CECR2: variants seen among roughly 807,000 people sequenced by gnomAD.
CECR2 encodes CECR2 histone acetyl-lysine reader, also known as chromatin remodeling regulator CECR2.
CECR2 carries 30 observed loss-of-function variants against 154.5 expected under a neutral mutation model. The ratio of observed to expected loss-of-function variants is 0.19; its 90% CI spans 0.15 to 0.26. The LOEUF (loss-of-function observed/expected upper bound fraction) is 0.26. Ranked by LOEUF, CECR2 falls within the 10% of genes least tolerant of loss-of-function variation. CECR2 has a pLI of 1.00. For synonymous variants in CECR2, 725 were observed against 683.7 expected, an observed-to-expected ratio of 1.06 and a Z score of -0.94; for missense variants, 1,743 against 1,829.3, an observed-to-expected ratio of 0.95 and a Z score of 0.86.
At chr22:17,401,340 GT>G (rs1450999321) in intron 1 of CECR2, among the ~76,000 whole-genome samples, 6 of 152,210 alleles carry the variant, frequency 3.9e-5, no homozygotes, top group African/African-American at 1.4e-4. Context: ...AAATATTTAT[GT>G]GTACAATTTG....
intron 1 of CECR2, among the ~76,000 whole-genome samples, chr22:17,435,558 C>T (rs1335447269): frequency 2.0e-5 from 3 of 152,070 alleles, no homozygotes; most frequent in Non-Finnish European, 4.4e-5. Flanking sequence ...AACTGTGTAA[C>T]CTGACAAGAA....
Position 17,435,928 on chromosome 22 carries a change from CTTTCT to C in CECR2, c.127-41647_127-41643del, listed in dbSNP as rs916395768. 4.1e-4 allele frequency among the ~76,000 whole-genome samples: 63 copies of C among 152,110 alleles called. No homozygotes were observed. The East Asian group carries it at 5.8e-3, about 14-fold the overall frequency. The stretch of plus-strand genomic sequence containing the variant: ...GGTAAATTTTTTGAAACTTTAGTTT[CTTTCT>C]TTTCTTTTCTTTACCTTCTTTCTTT... On this transcript the variant is annotated intron_variant, in intron 1 of 18. Transcript: ENST00000262608.
At chr22:17,433,084 G>A (rs2054451472) in intron 1 of CECR2, among the ~76,000 whole-genome samples, 1 of 152,164 alleles carries the variant, frequency 6.6e-6, no homozygotes, top group Non-Finnish European at 1.5e-5. Context: ...ACTGATTTTT[G>A]GGTGGAATCC....
intron 7 of CECR2, 95 bp downstream of exon 7, chr22:17,505,111 G>A (rs1310130562): frequency 8.1e-7 from 1 of 1,235,876 alleles, no homozygotes; most frequent in East Asian, 2.5e-5. Flanking sequence ...ACACCCCACT[G>A]TCCTGGAAAT....
chr22:17,502,308 G>A (rs1192895992), intron 5 of CECR2, among the ~76,000 whole-genome samples: 1 of 152,134 alleles, frequency 6.6e-6, no homozygotes, highest in Non-Finnish European at 1.5e-5. Flanking sequence ...CCTTAGGTAA[G>A]GATCAATTAT....
intron 1 of CECR2, among the ~76,000 whole-genome samples, chr22:17,446,933 G>A (rs1444724163): frequency 7.5e-6 from 1 of 133,286 alleles, no homozygotes; most frequent in Non-Finnish European, 1.5e-5. Flanking sequence ...GAACACTGGT[G>A]CATTTTTACA....
At chr22:17,372,455 C>CAGG (rs937633827) in intron 1 of CECR2, among the ~76,000 whole-genome samples, 2 of 152,114 alleles carry the variant, frequency 1.3e-5, no homozygotes, top group Non-Finnish European at 2.9e-5. Flanking sequence ...CACCTGAAGT[C>CAGG]AGGAGTTCGA....
chr22:17,367,575 C>T (rs971541003), upstream of CECR2, among the ~76,000 whole-genome samples: 1 of 152,002 alleles, frequency 6.6e-6, no homozygotes, highest in Non-Finnish European at 1.5e-5. Flanking sequence ...TTAGTAGAGA[C>T]GAGGTTTCAC....
Position 17,540,817 on chromosome 22 carries a change from A to G in CECR2, c.1884+17A>G, listed in dbSNP as rs1569152410. On this transcript the variant is annotated intron_variant, in intron 14 of 18. Transcript: ENST00000262608. ...AACCAGATGGTAAGGAATAGAGTGG[A>G]GACTGTTGCGGTTTCTCCTAGTTTG... 6.6e-7 allele frequency: 1 copy of G among 1,521,580 alleles called. No homozygotes were observed. Among genetic ancestry groups the G allele is most frequent in the Non-Finnish European group, 8.8e-7 (1 of 1,135,204 alleles). The allele number at this position is 1,521,580 out of a possible 1,614,324, so 94.3% of individuals were successfully genotyped here.
rs1325472870 is a variant in CECR2, at chr22:17,542,352, C to T, written c.2209C>T (p.Arg737Trp). 1.4e-5 allele frequency: 22 copies of T among 1,613,660 alleles called. No individual in the cohort carries two copies. Among genetic ancestry groups the T allele is most frequent in the Admixed American group, 5.0e-5 (3 of 59,996 alleles). Residue 737 changes from arginine (R) to tryptophan (W), a missense_variant, in exon 16 of 19, where the codon CGG becomes TGG. Arg to Trp is a moderately radical substitution (Grantham distance 101, BLOSUM62 -3). Around this residue, in one of 4 missense-constraint regions of CECR2, gnomAD observed 1,250 missense variants for 1,192.1 expected, o/e 1.05. Transcript: ENST00000262608. ...AQFQPGFIPP[R>W]HGGAPARPPD... The stretch of plus-strand genomic sequence containing the variant: ...GTTCCAGCCAGGATTCATTCCTCCC[C>T]GGCATGGGGGGGCTCCAGCCCGGCC...
At chr22:17,370,662 A>T (rs910709412) in intron 1 of CECR2, among the ~76,000 whole-genome samples, 7 of 152,148 alleles carry the variant, frequency 4.6e-5, no homozygotes, top group Non-Finnish European at 1.0e-4. Context: ...CATTCTGGCC[A>T]GGCCGGAGGT....
chr22:17,454,702 A>G (rs114787903), intron 1 of CECR2, among the ~76,000 whole-genome samples: 5 of 152,226 alleles, frequency 3.3e-5, no homozygotes, highest in East Asian at 3.9e-4. Context: ...ACATATTAGT[A>G]TCTTATGAAT....
At chr22:17,448,530 G>A (rs1408002375) in intron 1 of CECR2, among the ~76,000 whole-genome samples, 1 of 152,142 alleles carries the variant, frequency 6.6e-6, no homozygotes, top group African/African-American at 2.4e-5. Flanking sequence ...TAGTATTGCT[G>A]AGGATTAATG....
At position 17,481,842 on chromosome 22, in the gene CECR2, C is replaced by T. The variant is rs548352008; in HGVS notation, c.221+4160C>T. On this transcript the variant is annotated intron_variant, in intron 2 of 18. Transcript: ENST00000262608. ...AAAGACCTAGCACTTACAGGCCAGG[C>T]GTGGTGGCTCACGCCTGTAATCCTA... Among the ~76,000 whole-genome samples, 10 of 152,250 alleles carry T rather than the reference C, an allele frequency of 6.6e-5. No individual in the cohort carries two copies. In the East Asian group the frequency reaches 1.5e-3, roughly 23 times the overall value.
At chr22:17,500,066 C>T (rs1162114055) in intron 4 of CECR2, among the ~76,000 whole-genome samples, 3 of 151,994 alleles carry the variant, frequency 2.0e-5, no homozygotes, top group Non-Finnish European at 4.4e-5. Flanking sequence ...AAAAAATTAG[C>T]CAGGCGTGGT....
At chr22:17,552,461 G>A (rs891233434) in intron 18 of CECR2, among the ~76,000 whole-genome samples, 8 of 152,072 alleles carry the variant, frequency 5.3e-5, no homozygotes, top group Non-Finnish European at 1.2e-4. Flanking sequence ...TTTCTCATTG[G>A]AGAGAGACTA....
intron 7 of CECR2, among the ~76,000 whole-genome samples, chr22:17,508,865 G>C (rs1185580804): frequency 6.6e-6 from 1 of 152,204 alleles, no homozygotes; most frequent in Non-Finnish European, 1.5e-5. Context: ...TACCAAAAGA[G>C]TAATGTTTGA....
At chr22:17,478,842 C>T (rs963279893) in intron 2 of CECR2, among the ~76,000 whole-genome samples, 1 of 151,994 alleles carries the variant, frequency 6.6e-6, no homozygotes, top group Non-Finnish European at 1.5e-5. Flanking sequence ...GACTTTTCCC[C>T]CTAGAATACC....
Position 17,414,178 on chromosome 22 carries a change from T to C in CECR2, c.126+44269T>C, listed in dbSNP as rs12159621. Among the ~76,000 whole-genome samples, 849 of 151,678 alleles carry C rather than the reference T, an allele frequency of 5.6e-3. 5 individuals carry two copies. Among genetic ancestry groups the C allele is most frequent in the African/African-American group, 0.02 (811 of 41,348 alleles). ...TAGTAGAGATGGGATTTCACTGTGT[T>C]AGCCAGGATGGTCTCGATCGCCTGA... On this transcript the variant is annotated intron_variant, in intron 1 of 18. Coordinates refer to ENST00000262608, the MANE Select transcript of CECR2 (RefSeq NM_001290047.2).
Sources: gnomAD v4.1 joint callset for allele counts (sites outside exome capture counted in the v4.1 genomes callset) on GRCh38, gnomAD v4.1.1 for gene constraint, gnomAD v4.1.1 regional missense constraint, MANE v1.5 for transcripts, NCBI Gene and HGNC (gene_info 2026-07-23, HGNC 2026-07-21) for gene names.